DGKB: variants seen among roughly 807,000 people sequenced by gnomAD.
The protein encoded by DGKB is diacylglycerol kinase beta, also known as 90 kDa diacylglycerol kinase.
In DGKB, 67 loss-of-function variants were observed where a neutral mutation model predicts 114.3. That is an observed-to-expected ratio of 0.59 (90% CI 0.48 to 0.72). DGKB has a LOEUF of 0.72. Ranked by LOEUF, DGKB falls within the 30% of genes least tolerant of loss-of-function variation. The probability of loss-of-function intolerance (pLI) is 0.00; values close to 1 mark genes in which losing one functional copy is unlikely to be tolerated. For missense variants in DGKB, 907 were observed against 975.2 expected, an observed-to-expected ratio of 0.93 and a Z score of 0.93; for synonymous variants, 398 against 323.1, an observed-to-expected ratio of 1.23 and a Z score of -2.49.
At chr7:14,306,356 A>G (rs1228144961) in intron 23 of DGKB, among the ~76,000 whole-genome samples, 1 of 152,150 alleles carries the variant, frequency 6.6e-6, no homozygotes, top group African/African-American at 2.4e-5. Context: ...AAGTTAGGAG[A>G]GGGATACATG....
chr7:14,960,674 G>A (rs934562658), intron 1 of DGKB, among the ~76,000 whole-genome samples: 2 of 151,976 alleles, frequency 1.3e-5, no homozygotes, highest in Non-Finnish European at 2.9e-5. Context: ...GACAATGAAA[G>A]TGAGGGGTTT....
At chr7:14,585,832 A>G (rs1800670809) in intron 17 of DGKB, among the ~76,000 whole-genome samples, 1 of 152,038 alleles carries the variant, frequency 6.6e-6, no homozygotes. Context: ...GTGATCTCTG[A>G]TCAGTTATTA....
intron 23 of DGKB, among the ~76,000 whole-genome samples, chr7:14,244,161 G>A (rs1042483543): frequency 9.2e-5 from 14 of 152,260 alleles, no homozygotes; most frequent in African/African-American, 3.1e-4. Context: ...GAGATCGAAA[G>A]TGGACTAGGC....
intron 2 of DGKB, among the ~76,000 whole-genome samples, chr7:14,803,325 GA>G: frequency 6.6e-6 from 1 of 152,172 alleles, no homozygotes; most frequent in Non-Finnish European, 1.5e-5. Context: ...CAGATACAAG[GA>G]TAAAACCCTC....
chr7:14,620,179 T>C (rs577165930), intron 15 of DGKB, among the ~76,000 whole-genome samples: 1 of 151,630 alleles, frequency 6.6e-6, no homozygotes, highest in South Asian at 2.1e-4. Context: ...ATGTACATCT[T>C]GATTTACTTT....
chr7:14,560,283 T>G (rs190474414), intron 20 of DGKB, among the ~76,000 whole-genome samples: 53 of 152,308 alleles, frequency 3.5e-4, no homozygotes, highest in African/African-American at 1.2e-3. Flanking sequence ...ATAGGTACAA[T>G]GTTTTACAAC....
At chr7:14,369,121 C>T (rs1052503215) in intron 21 of DGKB, among the ~76,000 whole-genome samples, 10 of 151,928 alleles carry the variant, frequency 6.6e-5, no homozygotes, top group African/African-American at 2.2e-4. Flanking sequence ...CTCCCTGTGT[C>T]CATGTATTCT....
At position 14,578,790 on chromosome 7, in the gene DGKB, G is replaced by A. The variant is rs538609025; in HGVS notation, c.1609+2072C>T. On this transcript the variant is annotated intron_variant, in intron 19 of 25. Transcript: ENST00000402815. ...CCCAAATTAATCTGTTTTTGAAAAT[G>A]TGTCAGTGTGTTACTCTGCTTCTGA... Among the ~76,000 whole-genome samples, 55 of 152,278 alleles carry A rather than the reference G, an allele frequency of 3.6e-4. 1 individual carries two copies. In the South Asian group the frequency reaches 0.011, roughly 30 times the overall value.
chr7:14,459,445 TC>T (rs1832762830), intron 21 of DGKB, among the ~76,000 whole-genome samples: 1 of 151,874 alleles, frequency 6.6e-6, no homozygotes, highest in Admixed American at 6.6e-5. Flanking sequence ...CACAAGAACT[TC>T]GTGAAGCATA....
intron 2 of DGKB, among the ~76,000 whole-genome samples, chr7:14,829,427 C>T (rs920303670): frequency 1.3e-5 from 2 of 152,084 alleles, no homozygotes; most frequent in Non-Finnish European, 2.9e-5. Context: ...GCTTCTTTGA[C>T]ACTGGAAGGT....
intron 2 of DGKB, among the ~76,000 whole-genome samples, chr7:14,811,654 T>C (rs1341691196): frequency 6.6e-6 from 1 of 152,122 alleles, no homozygotes; most frequent in Non-Finnish European, 1.5e-5. Context: ...TCAAATTACT[T>C]ATGTAATTAA....
intron 23 of DGKB, among the ~76,000 whole-genome samples, chr7:14,199,973 A>G (rs1450028800): frequency 6.6e-6 from 1 of 152,054 alleles, no homozygotes; most frequent in East Asian, 1.9e-4. Flanking sequence ...ACAGGGCACA[A>G]AAAGAGACCT....
At position 14,736,166 on chromosome 7, in the gene DGKB, A is replaced by G; in HGVS notation, c.197T>C (p.Phe66Ser). Residue 66 changes from phenylalanine to serine, a missense_variant, in exon 5 of 26, where the codon TTC (phenylalanine) becomes TCC (serine). Coordinates refer to ENST00000402815, the MANE Select transcript of DGKB (RefSeq NM_001350709.2). ...QTIDFEGFKL[F>S]MKTFLEAELP... is the part of the protein sequence containing the mutation. ...CTCGGCTTCCAGGAATGTCTTCATG[A>G]ATAGTTTGAAACCTTCAAAATCTAT... 1.9e-6 allele frequency: 3 copies of G among 1,600,514 alleles called. No homozygotes were observed. Among genetic ancestry groups the G allele is most frequent in the Non-Finnish European group, 2.6e-6 (3 of 1,172,082 alleles).
chr7:14,841,102 AG>A, intron 2 of DGKB, 91 bp downstream of exon 2: 1 of 1,150,492 alleles, frequency 8.7e-7, no homozygotes, highest in Non-Finnish European at 1.2e-6. Flanking sequence ...ATCCCCATGA[AG>A]AACAGGATCT....
chr7:14,613,085 G>T (rs1057037537), intron 16 of DGKB, among the ~76,000 whole-genome samples: 12 of 151,944 alleles, frequency 7.9e-5, no homozygotes, highest in African/African-American at 2.9e-4. Context: ...CTTTGTTAGG[G>T]GATAGGGGTG....
intron 2 of DGKB, among the ~76,000 whole-genome samples, chr7:14,777,847 TA>T (rs1351277880): frequency 2.6e-5 from 4 of 152,210 alleles, no homozygotes; most frequent in Admixed American, 2.6e-4. Flanking sequence ...TTTTCTTTTT[TA>T]ATATCCTGCT....
intron 1 of DGKB, among the ~76,000 whole-genome samples, chr7:14,864,320 A>C (rs550964424): frequency 4.6e-5 from 7 of 152,270 alleles, no homozygotes; most frequent in African/African-American, 1.7e-4. Context: ...AAACATACAC[A>C]TGCACATACA....
chr7:14,820,559 ATAAT>A (rs1396490471), intron 2 of DGKB, among the ~76,000 whole-genome samples: 1 of 152,212 alleles, frequency 6.6e-6, no homozygotes, highest in Admixed American at 6.6e-5. Context: ...TAGTTTCCAA[ATAAT>A]TAAAGTTTTA....
intron 17 of DGKB, among the ~76,000 whole-genome samples, chr7:14,590,238 G>T (rs189526339): frequency 7.3e-5 from 11 of 151,252 alleles, no homozygotes; most frequent in African/African-American, 2.4e-4. Context: ...TAAAATTTAT[G>T]ATTTTAAATT....
Sources: gnomAD v4.1 joint callset for allele counts (sites outside exome capture counted in the v4.1 genomes callset) on GRCh38, gnomAD v4.1.1 for gene constraint, MANE v1.5 for transcripts, NCBI Gene and HGNC (gene_info 2026-07-23, HGNC 2026-07-21) for gene names.